The following ZNF536 variants were observed in gnomAD, a reference collection of about 807,000 sequenced individuals.
ZNF536 encodes zinc finger protein 536.
Under a neutral mutation model 84.5 loss-of-function variants are expected in ZNF536, and 13 were observed. That is an observed-to-expected ratio of 0.15 (90% CI 0.10 to 0.24). The LOEUF (loss-of-function observed/expected upper bound fraction) is 0.24. Among genes scored for constraint, ZNF536 ranks in the 10% least tolerant of loss-of-function variants. The probability of loss-of-function intolerance (pLI) is 1.00; values close to 1 mark genes in which losing one functional copy is unlikely to be tolerated. For synonymous variants in ZNF536, 811 were observed against 742.5 expected (o/e 1.09, Z -1.50); for missense variants, 1,536 against 1,747.5 (o/e 0.88, Z 2.16).
At chr19:30,231,901 T>C (rs1286687030) in intron 1 of ZNF536, among the ~76,000 whole-genome samples, 1 of 152,130 alleles carries the variant, frequency 6.6e-6, no homozygotes, top group African/African-American at 2.4e-5. Flanking sequence ...TCATCCACAA[T>C]TGTACTATCC....
At chr19:30,609,200 A>C (rs1252245892) in intron 1 of ZNF536, among the ~76,000 whole-genome samples, 1 of 152,230 alleles carries the variant, frequency 6.6e-6, no homozygotes, top group Non-Finnish European at 1.5e-5. Context: ...AAATATTAAA[A>C]GAAGACTTGT....
chr19:30,395,430 T>C (rs2049775754), intron 1 of ZNF536, among the ~76,000 whole-genome samples: 1 of 152,184 alleles, frequency 6.6e-6, no homozygotes, highest in East Asian at 1.9e-4. Context: ...GGATGTAGAA[T>C]GCTGGTCTGA....
chr19:30,562,464 A>G (rs2046207030), downstream of ZNF536, among the ~76,000 whole-genome samples: 1 of 151,982 alleles, frequency 6.6e-6, no homozygotes. Context: ...AAATAGCAAA[A>G]GAAAAGAAAA....
intron 3 of ZNF536, among the ~76,000 whole-genome samples, chr19:30,541,566 A>C (rs1034639499): frequency 6.6e-6 from 1 of 152,210 alleles, no homozygotes; most frequent in African/African-American, 2.4e-5. Flanking sequence ...CTTTTGTTGA[A>C]AATAATTGAT....
At chr19:30,313,435 G>C (rs1313591346) in intron 2 of ZNF536, among the ~76,000 whole-genome samples, 1 of 152,156 alleles carries the variant, frequency 6.6e-6, no homozygotes, top group Non-Finnish European at 1.5e-5. Flanking sequence ...AGAGCAGGTT[G>C]ATCTCAGCCT....
intron 1 of ZNF536, among the ~76,000 whole-genome samples, chr19:30,246,071 CTG>C (rs2024253442): frequency 6.6e-6 from 1 of 152,114 alleles, no homozygotes; most frequent in Non-Finnish European, 1.5e-5. Flanking sequence ...CCCCGGCCCC[CTG>C]ATTGGTGAGC....
intron 2 of ZNF536, among the ~76,000 whole-genome samples, chr19:30,486,462 T>C (rs2054305059): frequency 6.6e-6 from 1 of 152,232 alleles, no homozygotes; most frequent in Non-Finnish European, 1.5e-5. Context: ...TAGTATTCCA[T>C]GGTATACATG....
intron 1 of ZNF536, among the ~76,000 whole-genome samples, chr19:30,436,709 A>G (rs977989665): frequency 7.2e-5 from 11 of 152,230 alleles, no homozygotes; most frequent in African/African-American, 2.4e-4. Context: ...ATTGTATTCT[A>G]GGTGAAATTG....
intron 1 of ZNF536, among the ~76,000 whole-genome samples, chr19:30,649,393 T>A (rs549696640): frequency 2.0e-4 from 30 of 152,296 alleles, no homozygotes. Flanking sequence ...CTAATATGCA[T>A]GCAATATGTG....
At chr19:30,498,543 T>G (rs2054815117) in intron 2 of ZNF536, among the ~76,000 whole-genome samples, 1 of 152,114 alleles carries the variant, frequency 6.6e-6, no homozygotes, top group South Asian at 2.1e-4. Context: ...CCATGGCACA[T>G]GTTTGCCTAT....
At chr19:30,343,953 T>G (rs1034512186) in intron 2 of ZNF536, among the ~76,000 whole-genome samples, 3 of 152,046 alleles carry the variant, frequency 2.0e-5, no homozygotes, top group Non-Finnish European at 4.4e-5. Context: ...TTTCAGTCCT[T>G]TTTAAGGTAA....
At chr19:30,366,072 G>T (rs575817921) in intron 3 of ZNF536, among the ~76,000 whole-genome samples, 1 of 152,134 alleles carries the variant, frequency 6.6e-6, no homozygotes, top group South Asian at 2.1e-4. Context: ...CACCCCCGCC[G>T]AACCCCTGAG....
intron 1 of ZNF536, among the ~76,000 whole-genome samples, chr19:30,377,612 T>C (rs1288928197): frequency 2.6e-5 from 4 of 152,082 alleles, no homozygotes; most frequent in Non-Finnish European, 5.9e-5. Context: ...AAAAAGATCA[T>C]GGGGAGATGT....
intron 1 of ZNF536, among the ~76,000 whole-genome samples, chr19:30,396,211 G>A (rs940334785): frequency 3.9e-5 from 6 of 152,310 alleles, no homozygotes; most frequent in South Asian, 4.2e-4. Flanking sequence ...TAAGCAGAGG[G>A]TTGATTGGTA....
intron 1 of ZNF536, among the ~76,000 whole-genome samples, chr19:30,619,343 T>G (rs2147124265): frequency 1.3e-5 from 2 of 152,370 alleles, no homozygotes; most frequent in South Asian, 4.1e-4. Flanking sequence ...ATTTGCTACC[T>G]AATTTGAGAG....
intron 1 of ZNF536, among the ~76,000 whole-genome samples, chr19:30,615,437 A>T (rs1401882124): frequency 1.3e-5 from 2 of 152,084 alleles, no homozygotes; most frequent in Non-Finnish European, 2.9e-5. Context: ...TTAAATTCTC[A>T]TGTGAGTTTA....
intron 1 of ZNF536, among the ~76,000 whole-genome samples, chr19:30,388,821 T>C (rs1347193915): frequency 1.3e-5 from 2 of 152,206 alleles, no homozygotes; most frequent in Non-Finnish European, 2.9e-5. Flanking sequence ...AGAGATTCCT[T>C]TATGGGCTTC....
chr19:30,631,103 G>C (rs1183037495), intron 1 of ZNF536, among the ~76,000 whole-genome samples: 1 of 152,168 alleles, frequency 6.6e-6, no homozygotes, highest in Non-Finnish European at 1.5e-5. Flanking sequence ...CCGTGCAGCC[G>C]GGCACTCCCG....
intron 1 of ZNF536, among the ~76,000 whole-genome samples, chr19:30,674,555 C>T (rs2050684504): frequency 6.6e-6 from 1 of 152,142 alleles, no homozygotes; most frequent in South Asian, 2.1e-4. Context: ...GCCCTCAATC[C>T]AGGTGGGCAG....
Sources: allele counts gnomAD v4.1 joint callset (sites outside exome capture counted in the v4.1 genomes callset), GRCh38; gene constraint gnomAD v4.1.1; transcripts MANE v1.5; gene names NCBI Gene and HGNC (gene_info 2026-07-23, HGNC 2026-07-21).